Variants in PDE10A observed in about 807,000 individuals in gnomAD.
PDE10A encodes the protein cAMP and cAMP-inhibited cGMP 3',5'-cyclic phosphodiesterase 10A.
PDE10A carries 39 observed loss-of-function variants against 97.7 expected under a neutral mutation model. The observed-to-expected ratio is 0.40, with a 90% CI of 0.31 to 0.52. The LOEUF is 0.52. PDE10A is among the 20% of genes least tolerant of loss of function. The pLI is 0.56. For missense variants in PDE10A, 731 were observed against 1,047.8 expected (o/e 0.70, Z 4.17); for synonymous variants, 371 against 376.8 (o/e 0.98, Z 0.18).
chr6:165,702,028 A>G (rs886851735), intron 1 of PDE10A, among the ~76,000 whole-genome samples: 8 of 152,174 alleles, frequency 5.3e-5, no homozygotes, highest in Non-Finnish European at 1.2e-4. Flanking sequence ...GAGGGCAGGA[A>G]GATGTGGCCA....
chr6:165,439,257 A>G (rs559896559), intron 5 of PDE10A, among the ~76,000 whole-genome samples: 1 of 152,324 alleles, frequency 6.6e-6, no homozygotes, highest in East Asian at 1.9e-4. Context: ...AAATTTATCT[A>G]TAATATCCAG....
chr6:165,598,674 G>A (rs967048261), intron 1 of PDE10A, among the ~76,000 whole-genome samples: 5 of 152,118 alleles, frequency 3.3e-5, no homozygotes, highest in Non-Finnish European at 5.9e-5. Flanking sequence ...CTGGAACACG[G>A]CAATTAATAA....
At chr6:165,759,375 C>T (rs1007057854) in intron 1 of PDE10A, among the ~76,000 whole-genome samples, 1 of 152,194 alleles carries the variant, frequency 6.6e-6, no homozygotes, top group Non-Finnish European at 1.5e-5. Context: ...GTGGAGCTCT[C>T]ATCGCTTTGA....
chr6:165,753,870 CCATTTACTT>C (rs1205472291), intron 1 of PDE10A, among the ~76,000 whole-genome samples: 3 of 152,190 alleles, frequency 2.0e-5, no homozygotes, highest in African/African-American at 4.8e-5. Context: ...TCTTCTACAA[CCATTTACTT>C]CATTTTCTTA....
chr6:165,633,412 T>C (rs1374578946), intron 1 of PDE10A, among the ~76,000 whole-genome samples: 5 of 152,192 alleles, frequency 3.3e-5, no homozygotes, highest in Admixed American at 6.5e-5. Flanking sequence ...TCTTTACCTA[T>C]ACATTAACTT....
chr6:165,744,370 G>A (rs1792797585), intron 1 of PDE10A, among the ~76,000 whole-genome samples: 1 of 151,954 alleles, frequency 6.6e-6, no homozygotes, highest in South Asian at 2.1e-4. Flanking sequence ...TTTAATTTTA[G>A]TCTTGGTAGT....
Position 165,466,276 on chromosome 6 carries a change from G to A in PDE10A, c.1024-15914C>T, listed in dbSNP as rs114321514. On this transcript the variant is annotated intron_variant, in intron 3 of 21. Transcript: ENST00000539869. ...ACAAGTTTAGCGAAAAGGGATCCTT[G>A]AGATAAAATAGTATTAAATCACTGA... Among the ~76,000 whole-genome samples, 549 of 152,316 alleles carry A rather than the reference G, an allele frequency of 3.6e-3. 7 individuals carry two copies. Among genetic ancestry groups the A allele is most frequent in the African/African-American group, 0.013 (528 of 41,586 alleles).
At chr6:165,917,955 G>C (rs569113693) in intron 1 of PDE10A, among the ~76,000 whole-genome samples, 49 of 152,294 alleles carry the variant, frequency 3.2e-4, no homozygotes, top group Non-Finnish European at 6.5e-4. Context: ...CTGGCGCGCT[G>C]TCTTATCACC....
Position 165,383,770 on chromosome 6 carries a change from A to C in PDE10A, c.2611-4404T>G, listed in dbSNP as rs535346454. 5.3e-5 allele frequency among the ~76,000 whole-genome samples: 8 copies of C among 152,306 alleles called. No individual in the cohort carries two copies. In the East Asian group the frequency reaches 1.5e-3, roughly 29 times the overall value. ...ACTTCAATACAGTGTTAAAAACAAA[A>C]AAACAAACAAAACACTAAGATGTAT... On this transcript the variant is annotated intron_variant, in intron 17 of 21. Transcript: ENST00000539869.
rs896366235 is a variant in PDE10A at position 165,874,140 on chromosome 6, G to A, written c.-615+113389C>T. ...GATCACTGCTCAGGAGACAGGGGAG[G>A]AGAAGCCATAAAAATTGTAGCACTA... On this transcript the variant is annotated intron_variant, in intron 1 of 19. Coordinates refer to the PDE10A transcript ENST00000366882. Among the ~76,000 whole-genome samples the A allele has an allele frequency of 9.1e-4, 138 of 152,306 alleles. 3 individuals are homozygous for A. The highest frequency in any genetic ancestry group is 1.9e-3 in the East Asian group (10 of 5,180).
upstream of PDE10A, among the ~76,000 whole-genome samples, chr6:165,666,475 C>T (rs374338163): frequency 1.1e-4 from 16 of 152,054 alleles, no homozygotes; most frequent in Admixed American, 5.9e-4. Context: ...AAATTATGTG[C>T]GTTTTACATA....
At chr6:165,558,474 G>A (rs1487203276) in intron 1 of PDE10A, among the ~76,000 whole-genome samples, 1 of 151,998 alleles carries the variant, frequency 6.6e-6, no homozygotes, top group Non-Finnish European at 1.5e-5. Context: ...GGACGGGGGA[G>A]GGATAGCATG....
intron 1 of PDE10A, among the ~76,000 whole-genome samples, chr6:165,549,239 C>T (rs1221920753): frequency 6.6e-6 from 1 of 152,188 alleles, no homozygotes; most frequent in Non-Finnish European, 1.5e-5. Flanking sequence ...ATTCATTGTT[C>T]TATCACACAA....
Position 165,711,384 on chromosome 6 carries a change from A to G in PDE10A, c.-614-167816T>C, listed in dbSNP as rs1027530164. ...TGGATGCCGTGCTGCACGTGCAAAC[A>G]CAGGTCCTAATGCTTGATTCAGAGC... On this transcript the variant is annotated intron_variant, in intron 1 of 19. Transcript: ENST00000366882. The surrounding 1 kb of genome is among the most constrained non-coding windows in gnomAD (Gnocchi z 4.5). Among the ~76,000 whole-genome samples, 1 of 152,186 alleles carries G rather than the reference A, an allele frequency of 6.6e-6. No individual in the cohort carries two copies. Among genetic ancestry groups the G allele is most frequent in the Admixed American group, 6.5e-5 (1 of 15,280 alleles).
intron 1 of PDE10A, among the ~76,000 whole-genome samples, chr6:165,633,158 G>C (rs1320616508): frequency 6.6e-6 from 1 of 151,772 alleles, no homozygotes; most frequent in Non-Finnish European, 1.5e-5. Context: ...GCAGAATAGA[G>C]CAAATGCCTT....
intron 1 of PDE10A, among the ~76,000 whole-genome samples, chr6:165,568,347 C>T (rs1039355986): frequency 3.9e-5 from 6 of 152,100 alleles, no homozygotes; most frequent in Admixed American, 6.5e-5. Context: ...TCCTTATCCA[C>T]GGTTTCACTT....
chr6:165,636,221 G>C (rs1417934958), intron 1 of PDE10A, among the ~76,000 whole-genome samples: 1 of 152,062 alleles, frequency 6.6e-6, no homozygotes, highest in Non-Finnish European at 1.5e-5. Flanking sequence ...TAGACCTCAA[G>C]TGCTCACCTC....
Position 165,655,760 on chromosome 6 carries a change from C to T in PDE10A, c.865+6187G>A, listed in dbSNP as rs189918759. ...CCTCCCCAAAGCCTCTGCTTTCATG[C>T]GGAGTAAACTGCAGTTTTTTCCTCT... On this transcript the variant is annotated intron_variant, in intron 1 of 21. Coordinates refer to ENST00000539869, the MANE Select transcript of PDE10A (RefSeq NM_001385079.1). The surrounding 1 kb of genome is among the most constrained non-coding windows in gnomAD (Gnocchi z 4.5). 3.9e-5 allele frequency among the ~76,000 whole-genome samples: 6 copies of T among 152,106 alleles called. No individual in the cohort carries two copies. The highest frequency in any genetic ancestry group is 1.2e-4 in the African/African-American group (5 of 41,420).
intron 18 of PDE10A, among the ~76,000 whole-genome samples, chr6:165,354,796 T>C (rs1485998999): frequency 2.0e-5 from 3 of 152,118 alleles, no homozygotes; most frequent in Non-Finnish European, 4.4e-5. Context: ...AAGAGAAAGG[T>C]TTCCAATAGC....
Sources: gnomAD v4.1 joint callset for allele counts (sites outside exome capture counted in the v4.1 genomes callset) on GRCh38, gnomAD v4.1.1 for gene constraint, Gnocchi (gnomAD v3.1) non-coding constraint, MANE v1.5 for transcripts, NCBI Gene and HGNC (gene_info 2026-07-23, HGNC 2026-07-21) for gene names.